TAFA4: variants seen among roughly 807,000 people sequenced by gnomAD.
TAFA4 encodes the protein chemokine-like protein TAFA-4.
A neutral mutation model predicts 21.1 loss-of-function variants in TAFA4; 20 were observed. The observed-to-expected ratio is 0.95, with a 90% CI of 0.67 to 1.38. The LOEUF (loss-of-function observed/expected upper bound fraction) is 1.38, where lower values mean the gene tolerates loss of function less well. Ranked by LOEUF, TAFA4 falls within the 40% of genes most tolerant of loss-of-function variation. The pLI is 0.00. For synonymous variants in TAFA4, 71 were observed against 67.4 expected, an observed-to-expected ratio of 1.05 and a Z score of -0.26; for missense variants, 211 against 180.9, an observed-to-expected ratio of 1.17 and a Z score of -0.95.
At position 68,806,918 on chromosome 3, in the gene TAFA4, A is replaced by C. The variant is rs1703714056; in HGVS notation, c.131-53900T>G. Among the ~76,000 whole-genome samples the C allele has an allele frequency of 3.9e-5, 6 of 152,320 alleles. No homozygotes were observed. The South Asian group carries it at 1.2e-3, about 32-fold the overall frequency. The stretch of plus-strand genomic sequence containing the variant: ...TCGGTATATGGTATTCTGTTACAGC[A>C]TCCTGAAAGGCCTAAGGCATTTACT... On this transcript the variant is annotated intron_variant, in intron 3 of 5. Coordinates refer to ENST00000295569, the MANE Select transcript of TAFA4 (RefSeq NM_182522.5).
chr3:68,882,980 C>T (rs1192964796), intron 2 of TAFA4: 1 of 152,260 alleles, frequency 6.6e-6, no homozygotes, highest in Non-Finnish European at 1.5e-5. Flanking sequence ...TATAGCCATA[C>T]TACCCTCAAC....
chr3:68,930,517 C>A (rs756935081), intron 1 of TAFA4, among the ~76,000 whole-genome samples: 2 of 152,156 alleles, frequency 1.3e-5, no homozygotes, highest in Non-Finnish European at 2.9e-5. Context: ...AGCAAAGTCA[C>A]GCAAAGCAGA....
intron 3 of TAFA4, among the ~76,000 whole-genome samples, chr3:68,781,627 T>G (rs1024864192): frequency 6.6e-6 from 1 of 152,096 alleles, no homozygotes; most frequent in Non-Finnish European, 1.5e-5. Flanking sequence ...CTTTAAAACC[T>G]TCCCACAATG....
intron 3 of TAFA4, among the ~76,000 whole-genome samples, chr3:68,790,645 C>G (rs1703344747): frequency 6.6e-6 from 1 of 152,176 alleles, no homozygotes; most frequent in East Asian, 1.9e-4. Context: ...TAAATGACTA[C>G]TGCAAATGAC....
chr3:68,797,930 T>C (rs1703487312), intron 3 of TAFA4, among the ~76,000 whole-genome samples: 2 of 152,330 alleles, frequency 1.3e-5, no homozygotes, highest in African/African-American at 2.4e-5. Flanking sequence ...ACTTAAAAAT[T>C]GGTAAAATGG....
At chr3:68,853,331 G>A (rs1034960112) in intron 3 of TAFA4, among the ~76,000 whole-genome samples, 3 of 152,194 alleles carry the variant, frequency 2.0e-5, no homozygotes, top group South Asian at 4.2e-4. Flanking sequence ...GTGTGACTCC[G>A]TAATATCTAT....
At chr3:68,754,390 G>C (rs1009004341) in intron 3 of TAFA4, among the ~76,000 whole-genome samples, 1 of 152,164 alleles carries the variant, frequency 6.6e-6, no homozygotes, top group Admixed American at 6.5e-5. Flanking sequence ...TCTTGACCTT[G>C]ACATTTTTCA....
intron 4 of TAFA4, among the ~76,000 whole-genome samples, chr3:68,744,414 C>T (rs1702413822): frequency 6.6e-6 from 1 of 152,114 alleles, no homozygotes; most frequent in African/African-American, 2.4e-5. Flanking sequence ...GGAGTCTGAG[C>T]CAAGTAGTGC....
chr3:68,761,100 C>T (rs1702748228), intron 3 of TAFA4, among the ~76,000 whole-genome samples: 2 of 152,194 alleles, frequency 1.3e-5, no homozygotes, highest in African/African-American at 4.8e-5. Context: ...AGCTGGAATA[C>T]TAGCTTCCAG....
chr3:68,898,947 AGGGTAGTAAGT>A (rs149868456), intron 1 of TAFA4, among the ~76,000 whole-genome samples: 28,331 of 152,096 alleles, frequency 0.19, 3,243 homozygotes, highest in East Asian at 0.49. Context: ...GAATTGAAGT[AGGGTAGTAAGT>A]GGTCAGCCAA....
intron 3 of TAFA4, among the ~76,000 whole-genome samples, chr3:68,848,943 A>C (rs1385700300): frequency 2.0e-5 from 3 of 152,190 alleles, no homozygotes; most frequent in Non-Finnish European, 2.9e-5. Context: ...TTTAAAAAAA[A>C]AAATGTACCT....
At chr3:68,813,582 C>T (rs1040874898) in intron 3 of TAFA4, among the ~76,000 whole-genome samples, 1 of 152,102 alleles carries the variant, frequency 6.6e-6, no homozygotes, top group African/African-American at 2.4e-5. Context: ...TGGATAAATT[C>T]CTCAACACGT....
At chr3:68,928,986 T>TAAA (rs5849870) in intron 1 of TAFA4, among the ~76,000 whole-genome samples, 16 of 147,316 alleles carry the variant, frequency 1.1e-4, no homozygotes, top group African/African-American at 2.5e-4. Context: ...TAAGTTTATT[T>TAAA]AAAAAAAAAA....
intron 3 of TAFA4, among the ~76,000 whole-genome samples, chr3:68,852,070 A>C (rs1329546775): frequency 6.6e-6 from 1 of 152,208 alleles, no homozygotes; most frequent in Non-Finnish European, 1.5e-5. Context: ...ACACTTTAAC[A>C]GTCCCTACCT....
intron 3 of TAFA4, among the ~76,000 whole-genome samples, chr3:68,823,296 G>C (rs1266999466): frequency 8.5e-5 from 13 of 152,118 alleles, no homozygotes. Flanking sequence ...AAATGCAGTA[G>C]TATTAGCAGT....
intron 1 of TAFA4, chr3:68,916,210 G>A (rs906299448): frequency 2.0e-5 from 3 of 152,180 alleles, no homozygotes; most frequent in Admixed American, 6.5e-5. Context: ...GTAAATATAC[G>A]TTTCCTGTCA....
chr3:68,745,475 CCT>C (rs1215767256), intron 4 of TAFA4, among the ~76,000 whole-genome samples: 4 of 152,116 alleles, frequency 2.6e-5, no homozygotes, highest in African/African-American at 9.7e-5. Context: ...ACATAATACC[CCT>C]GTCTTCAAGC....
chr3:68,748,196 C>T (rs1274449933), intron 4 of TAFA4, among the ~76,000 whole-genome samples: 1 of 152,162 alleles, frequency 6.6e-6, no homozygotes, highest in East Asian at 1.9e-4. Flanking sequence ...CACAAAGGTG[C>T]CAAATTAAAA....
At chr3:68,926,961 T>A (rs556434268) in intron 1 of TAFA4, among the ~76,000 whole-genome samples, 12 of 152,254 alleles carry the variant, frequency 7.9e-5, no homozygotes, top group African/African-American at 2.9e-4. Flanking sequence ...GGAGCTGCCC[T>A]GTGCACAACA....
Sources: gnomAD v4.1 joint callset for allele counts (sites outside exome capture counted in the v4.1 genomes callset) on GRCh38, gnomAD v4.1.1 for gene constraint, MANE v1.5 for transcripts, NCBI Gene and HGNC (gene_info 2026-07-23, HGNC 2026-07-21) for gene names.